The following CROCC2 variants were observed in gnomAD, a reference collection of about 807,000 sequenced individuals.
CROCC2 encodes ciliary rootlet coiled-coil protein 2.
Under a neutral mutation model 177.6 loss-of-function variants are expected in CROCC2, and 163 were observed. The ratio of observed to expected loss-of-function variants is 0.92; its 90% CI spans 0.81 to 1.05. The LOEUF is 1.05. Among genes scored for constraint, CROCC2 ranks in the 50% least tolerant of loss-of-function variants. The pLI, the probability that CROCC2 is intolerant of heterozygous loss-of-function variation, is 0.00. For missense variants in CROCC2, 1,929 were observed against 1,797.8 expected (o/e 1.07, Z -1.32); for synonymous variants, 904 against 787.3 (o/e 1.15, Z -2.48).
At position 240,925,749 on chromosome 2, in the gene CROCC2, G is replaced by C; in HGVS notation, c.514G>C (p.Ala172Pro). 1.4e-6 allele frequency: 1 copy of C among 716,806 alleles called. No individual in the cohort carries two copies. The highest frequency in any genetic ancestry group is 2.6e-6 in the Non-Finnish European group (1 of 384,820). The allele number at this position is 716,806 out of a possible 1,614,324, so 44.4% of individuals were successfully genotyped here. Reference sequence around the variant, plus strand: ...GAGCACCGGCCTCTGTCAGGTGAACGCGCTCCTGCGGGAGCAGCTGGAACA... The same window carrying C: ...GAGCACCGGCCTCTGTCAGGTGAACCCGCTCCTGCGGGAGCAGCTGGAACA... ...ERSTGLCQVNALLREQLEHMK... is the reference protein window; with the variant it reads ...ERSTGLCQVNPLLREQLEHMK... Residue 172 changes from alanine (A) to proline (P), a missense_variant, in exon 5 of 32, where the codon GCG becomes CCG. Around this residue, in one of 3 missense-constraint regions of CROCC2, gnomAD observed 1,397 missense variants for 1,239.9 expected, o/e 1.13. Coordinates refer to ENST00000690015, the MANE Select transcript of CROCC2 (RefSeq NM_001351305.2).
chr2:240,974,765 T>C (rs1054013061), intron 27 of CROCC2, among the ~76,000 whole-genome samples: 1 of 152,190 alleles, frequency 6.6e-6, no homozygotes, highest in African/African-American at 2.4e-5. Context: ...GAGCATTTAA[T>C]GTGATCCCAT....
chr2:240,942,983 T>TA (rs1183006947), intron 14 of CROCC2, among the ~76,000 whole-genome samples: 2 of 152,188 alleles, frequency 1.3e-5, no homozygotes, highest in African/African-American at 4.8e-5. Context: ...TTCTGAATTA[T>TA]AAAAAATACA....
chr2:240,956,869 A>T (rs1162914003), intron 19 of CROCC2, among the ~76,000 whole-genome samples: 2 of 152,072 alleles, frequency 1.3e-5, no homozygotes, highest in African/African-American at 4.8e-5. Flanking sequence ...GCTCACAGCG[A>T]GGGTGGCCAG....
In CROCC2 at chr2:240,918,013, G is replaced by T. The variant is rs1192241774; in HGVS notation, c.79-713G>T. ...CCCAGGACACCCAGGCACTCCTGGG[G>T]CAGAAGGGCAGCCATTCAGCAAACA... On this transcript the variant is annotated intron_variant, in intron 1 of 31. Transcript: ENST00000690015. This position sits in a 1 kb window ranked among gnomAD's most constrained non-coding sequence, Gnocchi z 6.3. 6.6e-6 allele frequency among the ~76,000 whole-genome samples: 1 copy of T among 152,218 alleles called. No individual in the cohort carries two copies. Among genetic ancestry groups the T allele is most frequent in the Non-Finnish European group, 1.5e-5 (1 of 68,034 alleles).
chr2:240,906,908 G>A (rs1165734893), intron 1 of CROCC2, among the ~76,000 whole-genome samples: 33 of 150,006 alleles, frequency 2.2e-4, no homozygotes, highest in Non-Finnish European at 3.7e-4. Context: ...AGAGAGCCCG[G>A]GGCCGCTGCT....
chr2:240,913,858 C>T (rs1036156789), intron 1 of CROCC2, among the ~76,000 whole-genome samples: 2 of 152,266 alleles, frequency 1.3e-5, no homozygotes, highest in African/African-American at 2.4e-5. Flanking sequence ...GCCCTCTCTG[C>T]GGCGGGCCGG....
At position 240,955,919 on chromosome 2, in the gene CROCC2, A is replaced by T. The variant is rs1350008183; in HGVS notation, c.2890A>T (p.Arg964Trp). ...LLSEELSRAR[R>W]TLERVQQEAQ... Reference sequence around the variant, plus strand: ...GAGTGAGGAGCTCTCCAGGGCCAGGAGGACGCTAGAGCGGGTACAGCAGGA... The same window carrying T: ...GAGTGAGGAGCTCTCCAGGGCCAGGTGGACGCTAGAGCGGGTACAGCAGGA... Residue 964 changes from arginine (R) to tryptophan (W), a missense_variant, in exon 19 of 32, where the codon AGG (arginine) becomes TGG (tryptophan). Arg to Trp is a moderately radical substitution (Grantham distance 101). This residue lies in a region of CROCC2 where 1,397 missense variants were observed against 1,239.9 expected (regional missense o/e 1.13). Transcript: ENST00000690015. 1 of 1,534,780 alleles carries T rather than the reference A, an allele frequency of 6.5e-7. No individual in the cohort carries two copies. The highest frequency in any genetic ancestry group is 1.4e-5 in the African/African-American group (1 of 73,004).
At chr2:240,966,519 C>T in intron 25 of CROCC2, 110 bp downstream of exon 25, 1 of 397,728 alleles carries the variant, frequency 2.5e-6, no homozygotes, top group Non-Finnish European at 4.4e-6. Context: ...GGTCAGTGTC[C>T]AGGCCGTCCT....
At chr2:240,933,492 G>A in intron 10 of CROCC2, 150 bp downstream of exon 10, 1 of 1,118,678 alleles carries the variant, frequency 8.9e-7, no homozygotes, top group Non-Finnish European at 1.2e-6. Context: ...GTGAGCACCA[G>A]TTGAGCGTGG....
At chr2:240,959,605 A>G in intron 20 of CROCC2, 161 bp downstream of exon 20, 1 of 951,272 alleles carries the variant, frequency 1.1e-6, no homozygotes, top group Non-Finnish European at 1.5e-6. Context: ...AAACAGCCAT[A>G]GGGGCATGGG....
chr2:240,943,319 A>G (rs1436704760), intron 14 of CROCC2, among the ~76,000 whole-genome samples: 1 of 151,778 alleles, frequency 6.6e-6, no homozygotes, highest in Non-Finnish European at 1.5e-5. Context: ...TAAAATCGCA[A>G]TATACAATCT....
At position 240,968,223 on chromosome 2, in the gene CROCC2, G is replaced by A. The variant is rs564246487; in HGVS notation, c.4362G>A (p.Ala1454=). 1.0e-4 allele frequency: 155 copies of A among 1,533,146 alleles called. No homozygotes were observed. The highest frequency in any genetic ancestry group is 1.7e-4 in the South Asian group (14 of 83,846). 95.0% of individuals were successfully genotyped at this position (1,533,146 alleles called of 1,614,324 possible). Residue 1454 remains alanine, a synonymous_variant, in exon 27 of 32, where the codon GCG becomes GCA. Transcript: ENST00000690015. ...ALRRLELEHL[A]SVRAAGQEKR... is the part of the protein sequence containing the mutation. ...GCAGGCTGGAGTTGGAGCACCTGGC[G>A]AGCGTGCGTGCGGCAGGCCAGGAGA...
chr2:240,992,529 A>T (rs1316225805), intron 31 of CROCC2, among the ~76,000 whole-genome samples: 1 of 152,250 alleles, frequency 6.6e-6, no homozygotes, highest in Non-Finnish European at 1.5e-5. Flanking sequence ...GTGGGCATAT[A>T]GGCTCCTTCC....
rs1160090961 is a variant in CROCC2, at chr2:240,982,471, C to G, written c.4402-409C>G. On this transcript the variant is annotated intron_variant, in intron 27 of 31. Coordinates refer to ENST00000690015, the MANE Select transcript of CROCC2 (RefSeq NM_001351305.2). This position sits in a 1 kb window ranked among gnomAD's most constrained non-coding sequence, Gnocchi z 4.7. ...TGATGGCAGAAGGGGCAAGCAGGGC[C>G]TGAGCCGAACAGGCTCCAGGAGCCT... 1 of 160,292 alleles carries G rather than the reference C, an allele frequency of 6.2e-6. No homozygotes were observed. Among genetic ancestry groups the G allele is most frequent in the Admixed American group, 6.4e-5 (1 of 15,546 alleles). 9.9% of individuals were successfully genotyped at this position (160,292 alleles called of 1,614,324 possible). A position where few individuals can be genotyped will look rare whatever the true frequency, so the allele number is the denominator to read the frequency against.
At chr2:240,959,109 C>CGTA in intron 19 of CROCC2, 192 bp from the exon 20 acceptor site, 1 of 616,156 alleles carries the variant, frequency 1.6e-6, no homozygotes, top group Admixed American at 3.1e-5. Flanking sequence ...TGGATGTCTC[C>CGTA]TCATCCCAGC....
Position 240,972,710 on chromosome 2 carries a change from T to C in CROCC2, c.4401+4448T>C, listed in dbSNP as rs1332801313. ...ATCTATCATTATGGTGTCAACGTTTTCTTACAATTCTGGCAATTATTATTT... is the reference window on the plus strand; with the variant it reads ...ATCTATCATTATGGTGTCAACGTTTCCTTACAATTCTGGCAATTATTATTT... On this transcript the variant is annotated intron_variant, in intron 27 of 31. Transcript: ENST00000690015. The surrounding 1 kb of genome is among the most constrained non-coding windows in gnomAD (Gnocchi z 7.1). Among the ~76,000 whole-genome samples, 1 of 152,056 alleles carries C rather than the reference T, an allele frequency of 6.6e-6. No individual in the cohort carries two copies. The highest frequency in any genetic ancestry group is 1.5e-5 in the Non-Finnish European group (1 of 68,012).
At position 240,993,253 on chromosome 2, in the gene CROCC2, T is replaced by C. The variant is rs940602816; in HGVS notation, c.*172T>C. ...TGCCCTGGCTGCTCATGGGGAACAT[T>C]TGAAATGCATGTGGGGGCCTCCGAA... On this transcript the variant is annotated 3_prime_UTR_variant, in exon 32 of 32. Transcript: ENST00000690015. 1.1e-5 allele frequency: 6 copies of C among 556,060 alleles called. No homozygotes were observed. The highest frequency in any genetic ancestry group is 2.0e-5 in the Non-Finnish European group (6 of 304,456). The allele number at this position is 556,060 out of a possible 1,614,324, so 34.4% of individuals were successfully genotyped here. A position where few individuals can be genotyped will look rare whatever the true frequency, so the allele number is the denominator to read the frequency against.
chr2:240,932,201 C>A (rs1411874151), intron 7 of CROCC2, 117 bp from the exon 8 acceptor site: 1 of 619,954 alleles, frequency 1.6e-6, no homozygotes, highest in East Asian at 2.8e-5. Context: ...ACGGAGGCAT[C>A]ACCCAGCACC....
At chr2:240,944,346 A>G (rs1407578455) in intron 14 of CROCC2, among the ~76,000 whole-genome samples, 2 of 152,174 alleles carry the variant, frequency 1.3e-5, no homozygotes, top group Non-Finnish European at 2.9e-5. Context: ...GTCTGTGGCT[A>G]GATGTATTTT....
Sources: allele counts gnomAD v4.1 joint callset (sites outside exome capture counted in the v4.1 genomes callset), GRCh38; gene constraint gnomAD v4.1.1; regional missense constraint gnomAD v4.1.1; non-coding constraint Gnocchi (gnomAD v3.1); transcripts MANE v1.5; gene names NCBI Gene and HGNC (gene_info 2026-07-23, HGNC 2026-07-21).